Variants in CDH18 observed in about 807,000 individuals in gnomAD.
CDH18 encodes the protein cadherin 18.
CDH18 carries 31 observed loss-of-function variants against 67.9 expected under a neutral mutation model. The observed-to-expected ratio is 0.46, with a 90% CI of 0.34 to 0.62. CDH18 has a LOEUF of 0.62. Among genes scored for constraint, CDH18 ranks in the 20% least tolerant of loss-of-function variants. The pLI is 0.01. For missense variants in CDH18, 890 were observed against 975.5 expected, an observed-to-expected ratio of 0.91 and a Z score of 1.17; for synonymous variants, 362 against 347.2, an observed-to-expected ratio of 1.04 and a Z score of -0.48.
chr5:20,530,933 C>G (rs1236629217), intron 1 of CDH18, among the ~76,000 whole-genome samples: 1 of 152,018 alleles, frequency 6.6e-6, no homozygotes, highest in Non-Finnish European at 1.5e-5. Context: ...AAGAAACTGT[C>G]ATTAGAGTGA....
At chr5:19,546,726 G>A (rs975794457) in intron 8 of CDH18, among the ~76,000 whole-genome samples, 2 of 152,120 alleles carry the variant, frequency 1.3e-5, no homozygotes, top group Admixed American at 6.6e-5. Flanking sequence ...ACCTCCTGTG[G>A]AGAGGCATGA....
At chr5:19,726,288 T>C (rs907931357) in intron 4 of CDH18, among the ~76,000 whole-genome samples, 2 of 152,212 alleles carry the variant, frequency 1.3e-5, no homozygotes, top group South Asian at 4.1e-4. Context: ...CAAAAATATA[T>C]ATATAGTAAC....
At chr5:20,392,752 A>T (rs1744973725) in intron 1 of CDH18, among the ~76,000 whole-genome samples, 1 of 151,904 alleles carries the variant, frequency 6.6e-6, no homozygotes, top group Admixed American at 6.6e-5. Flanking sequence ...TTCAAGGAAA[A>T]ATTTACAATG....
At position 19,492,666 on chromosome 5, in the gene CDH18, T is replaced by C. The variant is rs367970642; in HGVS notation, c.1631-9114A>G. Among the ~76,000 whole-genome samples the C allele has an allele frequency of 2.1e-4, 32 of 152,234 alleles. No homozygotes were observed. The East Asian group carries it at 3.3e-3, about 16-fold the overall frequency. On this transcript the variant is annotated intron_variant, in intron 11 of 12. Transcript: ENST00000382275. ...GGTTTTTAAATTTTAAATAAAGTTA[T>C]GTTATTACCAACATATTAATTAACG...
intron 2 of CDH18, among the ~76,000 whole-genome samples, chr5:20,087,876 A>G (rs974109269): frequency 6.6e-6 from 1 of 152,162 alleles, no homozygotes; most frequent in African/African-American, 2.4e-5. Flanking sequence ...AGAATAAAAA[A>G]CAAACTCCTG....
At chr5:19,828,405 A>G (rs1780648740) in intron 3 of CDH18, among the ~76,000 whole-genome samples, 1 of 151,444 alleles carries the variant, frequency 6.6e-6, no homozygotes, top group Non-Finnish European at 1.5e-5. Flanking sequence ...TCTGTCAGAT[A>G]CACAACAAAA....
At chr5:19,861,340 C>T (rs1784883197) in intron 2 of CDH18, among the ~76,000 whole-genome samples, 1 of 151,846 alleles carries the variant, frequency 6.6e-6, no homozygotes, top group Non-Finnish European at 1.5e-5. Flanking sequence ...CAGGAACAGG[C>T]AAAAGCCCCA....
intron 9 of CDH18, among the ~76,000 whole-genome samples, chr5:19,526,087 C>CATTAATT (rs763414905): frequency 3.1e-4 from 47 of 152,054 alleles, no homozygotes; most frequent in Non-Finnish European, 5.3e-4. Flanking sequence ...TATTGATGTG[C>CATTAATT]ATTAATTATT....
rs1415483353 is a variant in CDH18 at position 20,501,181 on chromosome 5, T to C, written c.-580+74281A>G. Among the ~76,000 whole-genome samples the C allele has an allele frequency of 3.3e-5, 5 of 151,966 alleles. No homozygotes were observed. The East Asian group carries it at 9.7e-4, about 29-fold the overall frequency. ...TTTAAATACTTTAAGGAATTAAACA[T>C]GATTTTCAAGATCTTCCCTAGCTTT... is the stretch of plus-strand genomic sequence containing the variant. On this transcript the variant is annotated intron_variant, in intron 1 of 14. Coordinates refer to the CDH18 transcript ENST00000507958.
intron 2 of CDH18, among the ~76,000 whole-genome samples, chr5:20,248,535 A>C (rs886518833): frequency 1.3e-5 from 2 of 152,226 alleles, no homozygotes; most frequent in African/African-American, 4.8e-5. Flanking sequence ...TCATAAACAG[A>C]GAATTCTCTG....
chr5:19,942,242 A>G (rs1459531370), intron 2 of CDH18, among the ~76,000 whole-genome samples: 1 of 152,160 alleles, frequency 6.6e-6, no homozygotes, highest in South Asian at 2.1e-4. Context: ...CAGTGTGGTC[A>G]TATTCCCTGC....
chr5:19,675,213 G>T (rs539454081), intron 5 of CDH18, among the ~76,000 whole-genome samples: 14 of 152,080 alleles, frequency 9.2e-5, no homozygotes, highest in Non-Finnish European at 1.6e-4. Flanking sequence ...TGGAGGCAGG[G>T]CAAGATCGCA....
intron 2 of CDH18, among the ~76,000 whole-genome samples, chr5:19,997,146 T>G (rs1468202774): frequency 6.6e-6 from 1 of 152,034 alleles, no homozygotes; most frequent in Non-Finnish European, 1.5e-5. Flanking sequence ...AGGTTTTAAA[T>G]AATAAAGACA....
chr5:20,006,748 C>G (rs77255822), intron 2 of CDH18, among the ~76,000 whole-genome samples: 219 of 152,004 alleles, frequency 1.4e-3, no homozygotes, highest in African/African-American at 5.1e-3. Context: ...TACTTAGCTT[C>G]TCTATGCATG....
intron 1 of CDH18, among the ~76,000 whole-genome samples, chr5:20,427,897 A>G (rs1748423785): frequency 1.3e-5 from 2 of 151,226 alleles, no homozygotes; most frequent in Admixed American, 6.6e-5. Context: ...TAATCAGAAC[A>G]TTATCAAACT....
At chr5:19,506,551 C>T (rs1042627128) in intron 10 of CDH18, among the ~76,000 whole-genome samples, 1 of 152,016 alleles carries the variant, frequency 6.6e-6, no homozygotes, top group African/African-American at 2.4e-5. Context: ...GTACTGGTAC[C>T]AAAACAGAGA....
intron 11 of CDH18, chr5:19,502,539 G>T (rs998618425): frequency 2.8e-5 from 7 of 249,012 alleles, no homozygotes; most frequent in African/African-American, 1.6e-4. Context: ...TTTGGACAAT[G>T]CTTATAATAA....
chr5:19,506,649 T>C (rs1188323510), intron 10 of CDH18, among the ~76,000 whole-genome samples: 2 of 152,102 alleles, frequency 1.3e-5, no homozygotes, highest in African/African-American at 2.4e-5. Context: ...AAACAAGAAA[T>C]GGGGAAAGGA....
chr5:19,754,845 C>T (rs1414254596), intron 3 of CDH18, among the ~76,000 whole-genome samples: 1 of 152,086 alleles, frequency 6.6e-6, no homozygotes, highest in African/African-American at 2.4e-5. Flanking sequence ...AACTGGAAAT[C>T]AACTTCAAAA....
Sources: gnomAD v4.1 joint callset for allele counts (sites outside exome capture counted in the v4.1 genomes callset) on GRCh38, gnomAD v4.1.1 for gene constraint, MANE v1.5 for transcripts, NCBI Gene and HGNC (gene_info 2026-07-23, HGNC 2026-07-21) for gene names.